CTNNA3: variants seen among roughly 807,000 people sequenced by gnomAD.
CTNNA3 encodes catenin alpha 3.
A neutral mutation model predicts 95.7 loss-of-function variants in CTNNA3; 76 were observed. That is an observed-to-expected ratio of 0.79 (90% CI 0.66 to 0.96). The LOEUF is 0.96. Among genes scored for constraint, CTNNA3 ranks in the 40% least tolerant of loss-of-function variants. The probability of loss-of-function intolerance (pLI) is 0.00; values close to 1 mark genes in which losing one functional copy is unlikely to be tolerated. For synonymous variants in CTNNA3, 431 were observed against 374.4 expected, an observed-to-expected ratio of 1.15 and a Z score of -1.74; for missense variants, 1,191 against 1,089.8, an observed-to-expected ratio of 1.09 and a Z score of -1.31.
intron 14 of CTNNA3, chr10:66,084,995 C>T (rs2133663438): frequency 6.6e-6 from 1 of 152,160 alleles, no homozygotes; most frequent in South Asian, 2.1e-4. Context: ...AAGCATTCTT[C>T]CAGCAGAAAG....
intron 15 of CTNNA3, among the ~76,000 whole-genome samples, chr10:66,062,151 CAT>C (rs1420050364): frequency 5.3e-5 from 8 of 152,052 alleles, no homozygotes; most frequent in African/African-American, 1.7e-4. Context: ...AACAAGAAAA[CAT>C]GTTTTTCTCA....
At chr10:67,615,657 CTTTT>C (rs746378840) in intron 2 of CTNNA3, among the ~76,000 whole-genome samples, 155 of 102,144 alleles carry the variant, frequency 1.5e-3, no homozygotes, top group African/African-American at 5.7e-3. Context: ...GGCAGGTATT[CTTTT>C]TTTTTTTTTT....
chr10:66,093,259 C>T (rs776367755), intron 14 of CTNNA3, among the ~76,000 whole-genome samples: 22 of 151,946 alleles, frequency 1.4e-4, no homozygotes, highest in Non-Finnish European at 2.4e-4. Flanking sequence ...AAGTAAAGAA[C>T]TTAAAGATCA....
At chr10:66,049,054 C>T (rs148738774) in intron 15 of CTNNA3, among the ~76,000 whole-genome samples, 61 of 152,060 alleles carry the variant, frequency 4.0e-4, no homozygotes, top group African/African-American at 1.4e-3. Flanking sequence ...GACAAAGGTC[C>T]AATATCCAGC....
chr10:66,980,601 A>G, intron 7 of CTNNA3, among the ~76,000 whole-genome samples: 1 of 152,196 alleles, frequency 6.6e-6, no homozygotes. Context: ...ATGAGTAGCA[A>G]CGTGGCAGAT....
chr10:66,359,761 G>A (rs1260971505), intron 12 of CTNNA3, among the ~76,000 whole-genome samples: 1 of 151,404 alleles, frequency 6.6e-6, no homozygotes, highest in Non-Finnish European at 1.5e-5. Context: ...CATCAGTATA[G>A]TTCAATGAAG....
At chr10:66,821,030 G>C (rs1438552780) in intron 7 of CTNNA3, among the ~76,000 whole-genome samples, 4 of 151,796 alleles carry the variant, frequency 2.6e-5, no homozygotes, top group Admixed American at 2.6e-4. Flanking sequence ...AATATTATCA[G>C]CATACGTGAT....
At chr10:66,590,712 C>T (rs1843520590) in intron 10 of CTNNA3, among the ~76,000 whole-genome samples, 1 of 151,776 alleles carries the variant, frequency 6.6e-6, no homozygotes, top group Non-Finnish European at 1.5e-5. Context: ...TTATAGTTTG[C>T]CTTATTTCTA....
chr10:66,202,629 C>T (rs907645806), intron 13 of CTNNA3, among the ~76,000 whole-genome samples: 1 of 152,118 alleles, frequency 6.6e-6, no homozygotes, highest in South Asian at 2.1e-4. Context: ...TTACTTCTAC[C>T]AGACTGGGTA....
chr10:66,511,296 T>A (rs1014067784), intron 11 of CTNNA3, among the ~76,000 whole-genome samples: 1 of 151,790 alleles, frequency 6.6e-6, no homozygotes, highest in South Asian at 2.1e-4. Context: ...AATAGTTTGT[T>A]GATTTGGTTT....
At chr10:66,854,186 T>C (rs7910733) in intron 7 of CTNNA3, among the ~76,000 whole-genome samples, 3,317 of 152,142 alleles carry the variant, frequency 0.022, 119 homozygotes, top group African/African-American at 0.075. Flanking sequence ...GATCAAATTA[T>C]TTCACACAAA....
chr10:66,536,263 C>A (rs1288632587), intron 10 of CTNNA3, among the ~76,000 whole-genome samples: 1 of 151,888 alleles, frequency 6.6e-6, no homozygotes, highest in Non-Finnish European at 1.5e-5. Context: ...GGGCAGATCA[C>A]CTCAGGTCAA....
chr10:67,114,837 C>CT (rs1351664122), intron 7 of CTNNA3, among the ~76,000 whole-genome samples: 2 of 151,636 alleles, frequency 1.3e-5, no homozygotes, highest in African/African-American at 2.4e-5. Flanking sequence ...TCAATTACCT[C>CT]TTTTTTTAAA....
intron 15 of CTNNA3, among the ~76,000 whole-genome samples, chr10:66,028,863 T>C (rs1030760578): frequency 6.6e-6 from 1 of 152,034 alleles, no homozygotes; most frequent in African/African-American, 2.4e-5. Context: ...GATTTATTTA[T>C]GAAGACAGTG....
At chr10:66,930,452 TAAAAA>T in intron 7 of CTNNA3, among the ~76,000 whole-genome samples, 2 of 152,276 alleles carry the variant, frequency 1.3e-5, no homozygotes, top group African/African-American at 4.8e-5. Flanking sequence ...TATTCCATCT[TAAAAA>T]GAAATTTTCT....
chr10:66,763,519 G>T (rs1182463581), intron 9 of CTNNA3, among the ~76,000 whole-genome samples: 2 of 151,950 alleles, frequency 1.3e-5, no homozygotes, highest in African/African-American at 2.4e-5. Context: ...AACTTGGAAT[G>T]ACCTTAGATA....
intron 11 of CTNNA3, among the ~76,000 whole-genome samples, chr10:66,464,901 T>C (rs1427272911): frequency 6.6e-6 from 1 of 152,086 alleles, no homozygotes; most frequent in Non-Finnish European, 1.5e-5. Flanking sequence ...AAATAAGATC[T>C]CAACTTTTAA....
At chr10:67,140,378 T>C (rs1038498429) in intron 7 of CTNNA3, among the ~76,000 whole-genome samples, 2 of 152,124 alleles carry the variant, frequency 1.3e-5, no homozygotes, top group African/African-American at 4.8e-5. Context: ...AATAGCAAAA[T>C]GGGCTGCATT....
At chr10:67,029,492 C>T (rs1461833246) in intron 7 of CTNNA3, among the ~76,000 whole-genome samples, 4 of 152,264 alleles carry the variant, frequency 2.6e-5, no homozygotes, top group Middle Eastern at 3.4e-3. Context: ...GGTGGGTACT[C>T]ATCTACTTGA....
Sources: gnomAD v4.1 joint callset for allele counts (sites outside exome capture counted in the v4.1 genomes callset) on GRCh38, gnomAD v4.1.1 for gene constraint, MANE v1.5 for transcripts, NCBI Gene and HGNC (gene_info 2026-07-23, HGNC 2026-07-21) for gene names.